ACTG2: variants seen among roughly 807,000 people sequenced by gnomAD.
ACTG2 encodes the protein actin, gamma-enteric smooth muscle.
In ACTG2, 16 loss-of-function variants were observed where a neutral mutation model predicts 37.6. That is an observed-to-expected ratio of 0.43 (90% CI 0.29 to 0.65). The LOEUF (loss-of-function observed/expected upper bound fraction) is 0.65. Among genes scored for constraint, ACTG2 ranks in the 30% least tolerant of loss-of-function variants. The pLI is 0.18. For missense variants in ACTG2, 238 were observed against 490.9 expected (o/e 0.48, Z 4.87); for synonymous variants, 181 against 179.9 (o/e 1.01, Z -0.05).
In ACTG2 at chr2:73,902,361, G is replaced by T; in HGVS notation, c.128G>T (p.Gly43Val). Residue 43 changes from glycine to valine, a missense_variant and splice_region_variant, in exon 3 of 9, where the codon GGT becomes GTT. Transcript: ENST00000345517. ...TCTTTTCTTCTTTTTGCATTGCAGG[G>T]TGTGATGGTGGGAATGGGCCAGAAA... Reference protein sequence around the residue: ...PSIVGRPRHQGVMVGMGQKDS... With the variant: ...PSIVGRPRHQVVMVGMGQKDS... The T allele has an allele frequency of 6.2e-7, 1 of 1,613,856 alleles. No individual in the cohort carries two copies. Among genetic ancestry groups the T allele is most frequent in the Non-Finnish European group, 8.5e-7 (1 of 1,179,952 alleles).
intron 1 of ACTG2, among the ~76,000 whole-genome samples, chr2:73,898,797 T>C (rs1294089802): frequency 2.0e-5 from 2 of 101,516 alleles, no homozygotes; most frequent in African/African-American, 6.9e-5. Flanking sequence ...TTTTCTTTTT[T>C]TTTTCTTTTT....
intron 7 of ACTG2, among the ~76,000 whole-genome samples, chr2:73,916,335 A>G (rs1197832682): frequency 6.6e-6 from 1 of 150,946 alleles, no homozygotes. Flanking sequence ...AGATCGCGCC[A>G]CTGCACTCCA....
chr2:73,915,722 A>C (rs1324081998), intron 7 of ACTG2, among the ~76,000 whole-genome samples: 2 of 152,170 alleles, frequency 1.3e-5, no homozygotes, highest in Non-Finnish European at 2.9e-5. Context: ...AAAGGGAATG[A>C]AGTATTGATC....
At chr2:73,897,537 T>C (rs1339415961) in intron 1 of ACTG2, among the ~76,000 whole-genome samples, 2 of 152,148 alleles carry the variant, frequency 1.3e-5, no homozygotes, top group Non-Finnish European at 2.9e-5. Flanking sequence ...ACCATGAGGC[T>C]GGACTGTGGG....
At chr2:73,913,931 C>T (rs953898327) in intron 6 of ACTG2, among the ~76,000 whole-genome samples, 9 of 152,112 alleles carry the variant, frequency 5.9e-5, no homozygotes, top group African/African-American at 2.2e-4. Flanking sequence ...CATTTCATTA[C>T]CTAGGGGCAC....
At chr2:73,902,701 G>C (rs773664253) in intron 3 of ACTG2, 6 of 1,551,250 alleles carry the variant, frequency 3.9e-6, no homozygotes, top group African/African-American at 1.4e-5. Flanking sequence ...CTGATTTCTT[G>C]GTCTCTTGCC....
intron 1 of ACTG2, among the ~76,000 whole-genome samples, chr2:73,895,955 G>C (rs1173327309): frequency 6.6e-6 from 1 of 152,186 alleles, no homozygotes; most frequent in Non-Finnish European, 1.5e-5. Flanking sequence ...GTTTCAGTAA[G>C]ACTTTATTAG....
chr2:73,908,614 A>G (rs1459766432), intron 3 of ACTG2, 59 bp from the exon 4 acceptor site: 5 of 1,392,520 alleles, frequency 3.6e-6, no homozygotes, highest in Non-Finnish European at 5.0e-6. Flanking sequence ...GGGAATGTCA[A>G]TGAGAATTTT....
At chr2:73,909,560 A>G (rs1680084986) in intron 5 of ACTG2, among the ~76,000 whole-genome samples, 2 of 152,180 alleles carry the variant, frequency 1.3e-5, no homozygotes. Flanking sequence ...GTGTACTTGC[A>G]CAAACCTAGA....
At chr2:73,913,346 G>C in intron 5 of ACTG2, 139 bp from the exon 6 acceptor site, 1 of 799,502 alleles carries the variant, frequency 1.3e-6, no homozygotes, top group African/African-American at 1.8e-5. Context: ...AAATATGATT[G>C]ATGATTCTTG....
At chr2:73,898,206 G>A (rs1349941110) in intron 1 of ACTG2, among the ~76,000 whole-genome samples, 3 of 148,434 alleles carry the variant, frequency 2.0e-5, no homozygotes, top group Admixed American at 6.9e-5. Context: ...AAGTAGTGAC[G>A]AAGGCACATC....
In ACTG2 at chr2:73,909,419, T is replaced by C. The variant is rs567823223; in HGVS notation, c.451+280T>C. Among the ~76,000 whole-genome samples, 3 of 152,318 alleles carry C rather than the reference T, an allele frequency of 2.0e-5. No individual in the cohort carries two copies. The South Asian group carries it at 6.2e-4, about 32-fold the overall frequency. ...TCCAACAATACTGGAATGTTTCTGC[T>C]TCATGAAGCAGAAAGAGTAGAACCT... On this transcript the variant is annotated intron_variant, in intron 5 of 8. Coordinates refer to ENST00000345517, the MANE Select transcript of ACTG2 (RefSeq NM_001615.4).
At chr2:73,908,121 C>T (rs930400494) in intron 3 of ACTG2, among the ~76,000 whole-genome samples, 4 of 152,204 alleles carry the variant, frequency 2.6e-5, no homozygotes, top group Non-Finnish European at 5.9e-5. Context: ...ACAGAGGGAG[C>T]TCTCACACCC....
chr2:73,919,682 G>A lies in ACTG2; in HGVS notation c.*107G>A, dbSNP rs1680339002. ...CTCTGTGTGGGGCTCTTTTTTCCTG[G>A]GCTATGTCTCATACACAGTGCTAAG... On this transcript the variant is annotated 3_prime_UTR_variant, in exon 9 of 9. Transcript: ENST00000345517. The A allele has an allele frequency of 7.6e-7, 1 of 1,314,042 alleles. No homozygotes were observed. The highest frequency in any genetic ancestry group is 1.0e-6 in the Non-Finnish European group (1 of 961,298). The allele number at this position is 1,314,042 out of a possible 1,614,324, so 81.4% of individuals were successfully genotyped here.
At chr2:73,898,371 T>TTTTTTTTTTTTGAGACGG (rs1679798255) in intron 1 of ACTG2, among the ~76,000 whole-genome samples, 2 of 133,802 alleles carry the variant, frequency 1.5e-5, no homozygotes, top group Non-Finnish European at 3.3e-5. Context: ...TCTATTGTAT[T>TTTTTTTTTTTTGAGACGG]AAATATTTCA....
rs1172877786 is a variant in ACTG2, at chr2:73,913,466, T to C, written c.452-19T>C. ...GGCAAGAATGAGAATTTTATAAGCC[T>C]GATCCTCTCTGTCCACAGGCATCGT... On this transcript the variant is annotated intron_variant, in intron 5 of 8. Coordinates refer to ENST00000345517, the MANE Select transcript of ACTG2 (RefSeq NM_001615.4). 2 of 1,574,498 alleles carry C rather than the reference T, an allele frequency of 1.3e-6. No individual in the cohort carries two copies. Among genetic ancestry groups the C allele is most frequent in the Non-Finnish European group, 1.7e-6 (2 of 1,153,384 alleles).
At position 73,914,813 on chromosome 2, in the gene ACTG2, C is replaced by G. The variant is rs1316312229; in HGVS notation, c.747C>G (p.Ile249Met). Residue 249 changes from isoleucine to methionine, a missense_variant, in exon 7 of 9, where the codon ATC becomes ATG. Coordinates refer to ENST00000345517, the MANE Select transcript of ACTG2 (RefSeq NM_001615.4). ...KSYELPDGQV[I>M]TIGNERFRCP... is the part of the protein sequence containing the mutation. The stretch of plus-strand genomic sequence containing the variant: ...ATGAGCTGCCAGATGGGCAGGTTAT[C>G]ACCATTGGCAATGAGCGCTTCCGCT... 6 of 1,610,908 alleles carry G rather than the reference C, an allele frequency of 3.7e-6. No individual in the cohort carries two copies. Among genetic ancestry groups the G allele is most frequent in the Non-Finnish European group, 5.1e-6 (6 of 1,177,788 alleles).
At chr2:73,901,188 A>C (rs937160298) in intron 1 of ACTG2, 88 bp from the exon 2 acceptor site, 13 of 1,082,990 alleles carry the variant, frequency 1.2e-5, no homozygotes, top group African/African-American at 1.6e-5. Flanking sequence ...CCCTGATTGC[A>C]GGTAGGGTCA....
intron 3 of ACTG2, among the ~76,000 whole-genome samples, chr2:73,903,781 A>G (rs1679942001): frequency 6.6e-6 from 1 of 152,010 alleles, no homozygotes; most frequent in African/African-American, 2.4e-5. Flanking sequence ...CTCTACTAAA[A>G]ATACAAAAAT....
Sources: allele counts gnomAD v4.1 joint callset (sites outside exome capture counted in the v4.1 genomes callset), GRCh38; gene constraint gnomAD v4.1.1; transcripts MANE v1.5; gene names NCBI Gene and HGNC (gene_info 2026-07-23, HGNC 2026-07-21).